The following ANO4 variants were observed in gnomAD, a reference collection of about 807,000 sequenced individuals.
ANO4 encodes the protein anoctamin-4.
In ANO4, 69 loss-of-function variants were observed where a neutral mutation model predicts 141.9. That is an observed-to-expected ratio of 0.49 (90% CI 0.40 to 0.59). The LOEUF (loss-of-function observed/expected upper bound fraction) is 0.59, where lower values mean the gene tolerates loss of function less well. Ranked by LOEUF, ANO4 falls within the 20% of genes least tolerant of loss-of-function variation. ANO4 has a pLI of 0.00. For synonymous variants in ANO4, 350 were observed against 394.3 expected, an observed-to-expected ratio of 0.89 and a Z score of 1.33; for missense variants, 894 against 1,162.2, an observed-to-expected ratio of 0.77 and a Z score of 3.36.
At chr12:100,911,300 A>G (rs2373406) in intron 2 of ANO4, among the ~76,000 whole-genome samples, 119,979 of 152,200 alleles carry the variant, frequency 0.79, 47,804 homozygotes, top group African/African-American at 0.9. Flanking sequence ...TAGCTCAGGT[A>G]TTCTTATTCT....
In ANO4 at chr12:101,096,648, G is replaced by GT; in HGVS notation, c.1850+2dup. ...TTTACATCGCATTCTTCCTCGGAAG[G>GT]TAAGAACCTGACCCCTGCACACCTC... On this transcript the variant is annotated splice_donor_variant, in intron 19 of 27. Coordinates refer to ENST00000392977, the MANE Select transcript of ANO4 (RefSeq NM_001286615.2). LOFTEE classifies it high-confidence loss of function. 6.2e-7 allele frequency: 1 copy of GT among 1,610,292 alleles called. No homozygotes were observed. Among genetic ancestry groups the GT allele is most frequent in the Non-Finnish European group, 8.5e-7 (1 of 1,176,872 alleles).
intron 7 of ANO4, among the ~76,000 whole-genome samples, chr12:100,975,282 G>A (rs1297686838): frequency 6.6e-6 from 1 of 151,556 alleles, no homozygotes; most frequent in East Asian, 1.9e-4. Flanking sequence ...AATGTATACT[G>A]TACCCAATGT....
intron 5 of ANO4, among the ~76,000 whole-genome samples, chr12:100,944,450 T>C (rs183151347): frequency 7.2e-4 from 109 of 152,256 alleles, no homozygotes; most frequent in Admixed American, 1.1e-3. Flanking sequence ...GAATTATCAC[T>C]ATATGGCAAA....
At position 100,728,850 on chromosome 12, in the gene ANO4, G is replaced by A. The variant is rs1416171365; in HGVS notation, c.23-4924G>A. ...TGAACTATAATATACATGTAGACAAGTGAGGAAGAAAAATGTGTAATGTAA... is the reference window on the plus strand; with the variant it reads ...TGAACTATAATATACATGTAGACAAATGAGGAAGAAAAATGTGTAATGTAA... On this transcript the variant is annotated intron_variant, in intron 1 of 29. Transcript: ENST00000644049. Among the ~76,000 whole-genome samples, 3 of 152,092 alleles carry A rather than the reference G, an allele frequency of 2.0e-5. No individual in the cohort carries two copies. In the East Asian group the frequency reaches 5.8e-4, roughly 29 times the overall value.
At chr12:101,040,190 T>C (rs985716317) in intron 11 of ANO4, 114 bp downstream of exon 11, 70 of 1,330,804 alleles carry the variant, frequency 5.3e-5, no homozygotes, top group Non-Finnish European at 6.1e-5. Flanking sequence ...CAGCTCTCAC[T>C]CATATCTGGC....
chr12:100,934,312 A>G (rs2042200395), intron 3 of ANO4, among the ~76,000 whole-genome samples: 1 of 152,222 alleles, frequency 6.6e-6, no homozygotes, highest in South Asian at 2.1e-4. Flanking sequence ...AGCTTTCTAC[A>G]TATGACTAGC....
At position 100,912,359 on chromosome 12, in the gene ANO4, C is replaced by T. The variant is rs969830716; in HGVS notation, c.56-9867C>T. ...GCAGTGAGCCAAGATCATGCCACTG[C>T]ACTCCAGCCCAGGTAACAGAGCAGG... On this transcript the variant is annotated intron_variant, in intron 2 of 27. Transcript: ENST00000392977. 2.9e-5 allele frequency among the ~76,000 whole-genome samples: 4 copies of T among 138,920 alleles called. No homozygotes were observed. The South Asian group carries it at 7.1e-4, about 25-fold the overall frequency. The allele number at this position is 138,920 out of a possible 152,430, so 91.1% of individuals were successfully genotyped here.
intron 3 of ANO4, among the ~76,000 whole-genome samples, chr12:100,759,877 G>A (rs530562287): frequency 1.8e-3 from 267 of 152,236 alleles, no homozygotes; most frequent in African/African-American, 6.3e-3. Flanking sequence ...ATAGTCTCAT[G>A]TGCTACTTTG....
chr12:100,906,830 T>C (rs2040864273), intron 2 of ANO4, among the ~76,000 whole-genome samples: 1 of 152,062 alleles, frequency 6.6e-6, no homozygotes, highest in Non-Finnish European at 1.5e-5. Flanking sequence ...TCAAGAAAGG[T>C]ATCTACTCCT....
chr12:101,055,275 C>T (rs147394352), intron 14 of ANO4, among the ~76,000 whole-genome samples: 1 of 152,230 alleles, frequency 6.6e-6, no homozygotes, highest in African/African-American at 2.4e-5. Flanking sequence ...GTGGCCATAT[C>T]GTTTTGTAGT....
chr12:101,086,263 G>C (rs2049495531), intron 16 of ANO4, among the ~76,000 whole-genome samples: 1 of 152,110 alleles, frequency 6.6e-6, no homozygotes, highest in Admixed American at 6.6e-5. Context: ...AAAGGGGCTA[G>C]AGAGAGGGTC....
At chr12:101,037,337 ATCTT>A (rs1406002737) in intron 10 of ANO4, among the ~76,000 whole-genome samples, 187 bp downstream of exon 10, 1 of 152,190 alleles carries the variant, frequency 6.6e-6, no homozygotes, top group African/African-American at 2.4e-5. Flanking sequence ...ATTTCTATAT[ATCTT>A]TTCATGTAAT....
chr12:101,088,814 G>A (rs376575312), intron 17 of ANO4, among the ~76,000 whole-genome samples: 2 of 152,112 alleles, frequency 1.3e-5, no homozygotes, highest in East Asian at 3.9e-4. Context: ...CTTGAGCCTA[G>A]GAGTTCACGA....
In ANO4 at chr12:100,901,795, A is replaced by G. The variant is rs1348383244; in HGVS notation, c.10A>G (p.Ser4Gly). 3 of 1,613,906 alleles carry G rather than the reference A, an allele frequency of 1.9e-6. No individual in the cohort carries two copies. The highest frequency in any genetic ancestry group is 2.5e-6 in the Non-Finnish European group (3 of 1,179,912). Residue 4 changes from serine to glycine, a missense_variant, in exon 2 of 28, where the codon AGC becomes GGC. Coordinates refer to ENST00000392977, the MANE Select transcript of ANO4 (RefSeq NM_001286615.2). MEA[S>G]SSGITNGKTK... is the part of the protein sequence containing the mutation. ...CAGAAGGTCAATAAAAATGGAGGCA[A>G]GCTCTTCTGGAATCACTAATGGAAA...
intron 1 of ANO4, among the ~76,000 whole-genome samples, chr12:100,733,401 A>G (rs2031468014): frequency 6.6e-6 from 1 of 152,060 alleles, no homozygotes; most frequent in African/African-American, 2.4e-5. Context: ...TAGGATGTTA[A>G]ATTTCCTCCA....
intron 9 of ANO4, among the ~76,000 whole-genome samples, chr12:101,030,519 G>C (rs1458499936): frequency 2.6e-5 from 4 of 152,120 alleles, no homozygotes; most frequent in Non-Finnish European, 5.9e-5. Context: ...GCCCACATCA[G>C]AAAGCTAGAA....
intron 9 of ANO4, among the ~76,000 whole-genome samples, chr12:101,021,143 G>A (rs2046506138): frequency 6.6e-6 from 1 of 152,188 alleles, no homozygotes; most frequent in Non-Finnish European, 1.5e-5. Context: ...CCATGGCAGT[G>A]CAGTTTGCTG....
chr12:100,993,785 T>C (rs1277530211), intron 8 of ANO4, among the ~76,000 whole-genome samples: 1 of 152,138 alleles, frequency 6.6e-6, no homozygotes, highest in African/African-American at 2.4e-5. Flanking sequence ...AGCTTAGTCA[T>C]GTAGTAATGC....
intron 9 of ANO4, among the ~76,000 whole-genome samples, chr12:101,033,210 C>G (rs955474161): frequency 1.7e-4 from 26 of 151,734 alleles, no homozygotes; most frequent in African/African-American, 2.9e-4. Flanking sequence ...AGTAAACTAT[C>G]GCAAGAACAA....
Sources: gnomAD v4.1 joint callset for allele counts (sites outside exome capture counted in the v4.1 genomes callset) on GRCh38, gnomAD v4.1.1 for gene constraint, MANE v1.5 for transcripts, NCBI Gene and HGNC (gene_info 2026-07-23, HGNC 2026-07-21) for gene names.